The following DOCK1 variants were observed in gnomAD, a reference collection of about 807,000 sequenced individuals.
DOCK1 encodes the protein dedicator of cytokinesis 1.
DOCK1 carries 138 observed loss-of-function variants against 262.7 expected under a neutral mutation model. The ratio of observed to expected loss-of-function variants is 0.53; its 90% CI spans 0.46 to 0.61. DOCK1 has a LOEUF of 0.61. Among genes scored for constraint, DOCK1 ranks in the 20% least tolerant of loss-of-function variants. DOCK1 has a pLI of 0.00. For missense variants in DOCK1, 1,908 were observed against 2,370.7 expected, an observed-to-expected ratio of 0.80 and a Z score of 4.05; for synonymous variants, 866 against 867.4, an observed-to-expected ratio of 1.00 and a Z score of 0.03.
At chr10:127,445,032 C>A (rs979719484) in intron 50 of DOCK1, among the ~76,000 whole-genome samples, 3 of 152,072 alleles carry the variant, frequency 2.0e-5, no homozygotes, top group Admixed American at 6.5e-5. Context: ...CCTTGAGATC[C>A]TTCACTAATT....
At chr10:127,349,760 G>A (rs900510356) in intron 31 of DOCK1, among the ~76,000 whole-genome samples, 10 of 152,122 alleles carry the variant, frequency 6.6e-5, no homozygotes, top group African/African-American at 1.4e-4. Context: ...CCTGGCTTCC[G>A]GTGGCTGCCC....
chr10:127,253,992 A>G (rs536555511), intron 28 of DOCK1, among the ~76,000 whole-genome samples: 4 of 151,878 alleles, frequency 2.6e-5, no homozygotes, highest in African/African-American at 7.3e-5. Flanking sequence ...TATACAGCCA[A>G]CCCCTTTCAG....
At chr10:127,050,163 A>G (rs543835200) in intron 21 of DOCK1, among the ~76,000 whole-genome samples, 88 of 151,506 alleles carry the variant, frequency 5.8e-4, no homozygotes, top group African/African-American at 2.0e-3. Flanking sequence ...ATTCATTTGT[A>G]ATTGTTTCTG....
intron 1 of DOCK1, among the ~76,000 whole-genome samples, chr10:126,907,119 T>A (rs2031010344): frequency 1.9e-5 from 2 of 106,614 alleles, no homozygotes; most frequent in South Asian, 8.2e-4. Flanking sequence ...GCCTTCAGTC[T>A]GCATCAGAGG....
chr10:127,127,082 C>T (rs534012289), intron 26 of DOCK1, among the ~76,000 whole-genome samples: 29 of 152,114 alleles, frequency 1.9e-4, no homozygotes, highest in Non-Finnish European at 3.7e-4. Context: ...ATGGCCAAAG[C>T]TCACAGAGGA....
At chr10:127,415,623 G>T (rs1024945541) in intron 44 of DOCK1, among the ~76,000 whole-genome samples, 3 of 151,966 alleles carry the variant, frequency 2.0e-5, no homozygotes, top group Non-Finnish European at 4.4e-5. Flanking sequence ...TGGTTTTATT[G>T]CCATTTACAT....
chr10:127,224,073 T>G (rs2058544364), intron 27 of DOCK1, among the ~76,000 whole-genome samples: 1 of 152,210 alleles, frequency 6.6e-6, no homozygotes, highest in Admixed American at 6.5e-5. Flanking sequence ...TTTTCTTGGG[T>G]TTTGTTTATA....
Position 127,096,916 on chromosome 10 carries a change from C to T in DOCK1, c.2446-9315C>T, listed in dbSNP as rs148561924. On this transcript the variant is annotated intron_variant, in intron 23 of 51. Coordinates refer to ENST00000623213, the MANE Select transcript of DOCK1 (RefSeq NM_001290223.2). ...GGTCAGGAGTTCAACACCAGCCTGG[C>T]CAACATGGTGAAACCCCGTCTCTAC... Among the ~76,000 whole-genome samples the T allele has an allele frequency of 7.8e-4, 118 of 151,954 alleles. 3 individuals are homozygous for T. In the East Asian group the frequency reaches 0.022, roughly 28 times the overall value.
At position 127,437,854 on chromosome 10, in the gene DOCK1, G is replaced by T. The variant is rs1565092391; in HGVS notation, c.5061-1173G>T. Among the ~76,000 whole-genome samples, 3 of 152,156 alleles carry T rather than the reference G, an allele frequency of 2.0e-5. No homozygotes were observed. The highest frequency in any genetic ancestry group is 2.9e-5 in the Non-Finnish European group (2 of 68,018). On this transcript the variant is annotated intron_variant, in intron 48 of 51. Coordinates refer to ENST00000623213, the MANE Select transcript of DOCK1 (RefSeq NM_001290223.2). This position sits in a 1 kb window ranked among gnomAD's most constrained non-coding sequence, Gnocchi z 4.4. ...TCAGAAATACATGTAAAAGAAACTAGAGCTAGGATGAAAATATGACTGGCT... is the reference window on the plus strand; with the variant it reads ...TCAGAAATACATGTAAAAGAAACTATAGCTAGGATGAAAATATGACTGGCT...
rs565672596 is a variant in DOCK1, at chr10:127,357,833, C to T, written c.3283+3106C>T. Among the ~76,000 whole-genome samples the T allele has an allele frequency of 2.0e-5, 3 of 152,248 alleles. No individual in the cohort carries two copies. The South Asian group carries it at 6.2e-4, about 32-fold the overall frequency. ...AAGCACCTGCAGCCCACAGGATCCT[C>T]CCCAAGCAGCCCCTCAGGATGGCTA... On this transcript the variant is annotated intron_variant, in intron 32 of 51. Transcript: ENST00000623213.
chr10:127,186,504 A>ACCCCCCCCCCCC (rs1216809857), intron 27 of DOCK1, among the ~76,000 whole-genome samples: 1 of 9,000 alleles, frequency 1.1e-4, no homozygotes, highest in African/African-American at 3.5e-4. Context: ...CATGGGAGAA[A>ACCCCCCCCCCCC]CCGCCCCCCC....
chr10:127,264,672 T>A (rs2135102878), intron 29 of DOCK1, among the ~76,000 whole-genome samples: 1 of 152,264 alleles, frequency 6.6e-6, no homozygotes, highest in African/African-American at 2.4e-5. Flanking sequence ...AGATTTTTTT[T>A]TTTTCCAAGA....
intron 2 of DOCK1, 121 bp downstream of exon 2, chr10:126,970,906 A>C: frequency 1.8e-6 from 2 of 1,123,058 alleles, no homozygotes; most frequent in Non-Finnish European, 2.5e-6. Context: ...CTTCCTTCTC[A>C]GGCTCCCTTT....
chr10:127,138,932 G>A (rs1175735097), intron 27 of DOCK1, among the ~76,000 whole-genome samples: 12 of 152,150 alleles, frequency 7.9e-5, no homozygotes, highest in Admixed American at 7.9e-4. Flanking sequence ...GGTCTGCTTG[G>A]CAGCTGGGAT....
At chr10:127,278,803 A>T (rs911305139) in intron 29 of DOCK1, among the ~76,000 whole-genome samples, 3 of 152,234 alleles carry the variant, frequency 2.0e-5, no homozygotes, top group Non-Finnish European at 4.4e-5. Flanking sequence ...TTTATCAAAT[A>T]GAAAGAGCTT....
chr10:127,175,697 C>G lies in DOCK1; in HGVS notation c.2847+47933C>G, dbSNP rs201163273. On this transcript the variant is annotated intron_variant, in intron 27 of 51. Transcript: ENST00000623213. This position sits in a 1 kb window ranked among gnomAD's most constrained non-coding sequence, Gnocchi z 6.3. The stretch of plus-strand genomic sequence containing the variant: ...GAGCGGGCTCCTCGGAGTTTGGCCT[C>G]CCCCGGTCCTGCTTGGCCCTCCCGA... The G allele has an allele frequency of 2.5e-6, 4 of 1,613,742 alleles. No homozygotes were observed. The highest frequency in any genetic ancestry group is 3.4e-6 in the Non-Finnish European group (4 of 1,179,958).
At chr10:127,443,026 C>T (rs1043164987) in intron 49 of DOCK1, among the ~76,000 whole-genome samples, 12 of 152,318 alleles carry the variant, frequency 7.9e-5, no homozygotes, top group African/African-American at 1.9e-4. Context: ...GTTCTAGAGG[C>T]GTCGGCAGGG....
chr10:127,068,111 G>A (rs1324602514), intron 23 of DOCK1, among the ~76,000 whole-genome samples: 1 of 152,126 alleles, frequency 6.6e-6, no homozygotes, highest in African/African-American at 2.4e-5. Flanking sequence ...ACAGCTGATG[G>A]GTGAGTTCTG....
chr10:127,284,006 G>C (rs779464844), intron 29 of DOCK1, among the ~76,000 whole-genome samples: 11 of 152,110 alleles, frequency 7.2e-5, no homozygotes, highest in Non-Finnish European at 1.6e-4. Context: ...TAAAAAAATT[G>C]TTAATGTAAT....
Sources: allele counts gnomAD v4.1 joint callset (sites outside exome capture counted in the v4.1 genomes callset), GRCh38; gene constraint gnomAD v4.1.1; non-coding constraint Gnocchi (gnomAD v3.1); transcripts MANE v1.5; gene names NCBI Gene and HGNC (gene_info 2026-07-23, HGNC 2026-07-21).